The following USP10 variants were observed in gnomAD, a reference collection of about 807,000 sequenced individuals.
USP10 encodes the protein ubiquitin carboxyl-terminal hydrolase 10.
Under a neutral mutation model 84.5 loss-of-function variants are expected in USP10, and 22 were observed. The observed-to-expected ratio is 0.26, with a 90% CI of 0.19 to 0.37. The LOEUF (loss-of-function observed/expected upper bound fraction) is 0.37, where lower values mean the gene tolerates loss of function less well. Ranked by LOEUF, USP10 falls within the 10% of genes least tolerant of loss-of-function variation. USP10 has a pLI of 1.00. For missense variants in USP10, 1,019 were observed against 998.9 expected, an observed-to-expected ratio of 1.02 and a Z score of -0.27; for synonymous variants, 454 against 387.6, an observed-to-expected ratio of 1.17 and a Z score of -2.01.
Position 84,769,299 on chromosome 16 carries a change from C to T in USP10, c.1998+941C>T, listed in dbSNP as rs143518412. On this transcript the variant is annotated intron_variant, in intron 11 of 13. Coordinates refer to ENST00000219473, the MANE Select transcript of USP10 (RefSeq NM_005153.3). ...CTGAGTCAGAAAGAGCAAAGTAGGACATAGGGACCCTTAGCACCTTCGGGG... is the reference window on the plus strand; with the variant it reads ...CTGAGTCAGAAAGAGCAAAGTAGGATATAGGGACCCTTAGCACCTTCGGGG... Among the ~76,000 whole-genome samples the T allele has an allele frequency of 4.3e-3, 652 of 152,270 alleles. 3 individuals are homozygous for T. The highest frequency in any genetic ancestry group is 6.3e-3 in the Admixed American group (96 of 15,296).
Position 84,744,007 on chromosome 16 carries a change from A to G in USP10, c.152-626A>G, listed in dbSNP as rs1351142142. On this transcript the variant is annotated intron_variant, in intron 3 of 13. Transcript: ENST00000219473. ...GAGGAGACCAAGAGATAGAGAATTC[A>G]GAAGAGTGCTCTGAAGTGCGCTTTT... 1.1e-4 allele frequency among the ~76,000 whole-genome samples: 16 copies of G among 152,222 alleles called. No individual in the cohort carries two copies. In the East Asian group the frequency reaches 3.1e-3, roughly 29 times the overall value.
At chr16:84,704,924 T>C (rs1428330153) in intron 1 of USP10, 1 of 1,534,564 alleles carries the variant, frequency 6.5e-7, no homozygotes, top group African/African-American at 1.4e-5. Flanking sequence ...GACTTTCCCT[T>C]TTGGGCTCAC....
chr16:84,706,181 C>G (rs1472360608), intron 1 of USP10, among the ~76,000 whole-genome samples: 1 of 152,126 alleles, frequency 6.6e-6, no homozygotes, highest in Non-Finnish European at 1.5e-5. Context: ...CCGCGCCTAG[C>G]CTCCCTATTC....
chr16:84,759,973 C>T, intron 7 of USP10, 27 bp downstream of exon 7: 1 of 1,611,590 alleles, frequency 6.2e-7, no homozygotes, highest in East Asian at 2.2e-5. Flanking sequence ...TTTGTTGATG[C>T]TATTACATAT....
At chr16:84,725,908 G>T (rs1908409445) in intron 1 of USP10, among the ~76,000 whole-genome samples, 1 of 152,190 alleles carries the variant, frequency 6.6e-6, no homozygotes, top group Admixed American at 6.5e-5. Flanking sequence ...AGAAGAGGGA[G>T]AATACTTTAT....
Position 84,749,080 on chromosome 16 carries a change from G to T in USP10, c.1192+3407G>T, listed in dbSNP as rs181257473. ...AGTTGTTGACAGTTTCAGGAGTCTC[G>T]TGAGATAGTAGAGCAATAGAGTCAC... On this transcript the variant is annotated intron_variant, in intron 4 of 13. Transcript: ENST00000219473. Among the ~76,000 whole-genome samples, 437 of 151,708 alleles carry T rather than the reference G, an allele frequency of 2.9e-3. 6 individuals carry two copies. Among genetic ancestry groups the T allele is most frequent in the Middle Eastern group, 0.024 (7 of 294 alleles).
chr16:84,708,267 T>A (rs935824055), intron 1 of USP10, among the ~76,000 whole-genome samples: 1 of 152,028 alleles, frequency 6.6e-6, no homozygotes, highest in East Asian at 1.9e-4. Context: ...CTGGCCAACA[T>A]GGTAAAACCT....
intron 3 of USP10, 55 bp from the exon 4 acceptor site, chr16:84,744,578 G>A: frequency 6.9e-7 from 1 of 1,443,560 alleles, no homozygotes; most frequent in Non-Finnish European, 9.3e-7. Context: ...AGTAATTACT[G>A]GTACTTAGAG....
At chr16:84,711,608 T>G (rs1050342113) in intron 1 of USP10, among the ~76,000 whole-genome samples, 1 of 152,206 alleles carries the variant, frequency 6.6e-6, no homozygotes, top group Non-Finnish European at 1.5e-5. Flanking sequence ...TCTCTGTTGC[T>G]TCTTACCTCT....
intron 1 of USP10, among the ~76,000 whole-genome samples, chr16:84,710,674 C>T (rs917838412): frequency 6.6e-6 from 1 of 152,072 alleles, no homozygotes; most frequent in African/African-American, 2.4e-5. Flanking sequence ...TCCTGTAGTA[C>T]TTTTGGTAGT....
At chr16:84,752,720 C>T (rs1309638487) in intron 4 of USP10, among the ~76,000 whole-genome samples, 4 of 152,106 alleles carry the variant, frequency 2.6e-5, no homozygotes, top group Non-Finnish European at 5.9e-5. Flanking sequence ...CTTTTGCACC[C>T]CTGTTTTTTT....
chr16:84,773,595 G>C (rs1021712373), intron 12 of USP10, among the ~76,000 whole-genome samples: 10 of 152,324 alleles, frequency 6.6e-5, no homozygotes, highest in Admixed American at 1.3e-4. Context: ...GCTTTCTGCT[G>C]ACGGGCTTGG....
chr16:84,776,412 C>G (rs1387237082), intron 13 of USP10, among the ~76,000 whole-genome samples: 3 of 151,904 alleles, frequency 2.0e-5, no homozygotes, highest in Non-Finnish European at 4.4e-5. Context: ...TTCCTTTTGA[C>G]TCTCTTCTTT....
At chr16:84,751,102 G>A (rs1447810623) in intron 4 of USP10, among the ~76,000 whole-genome samples, 1 of 152,172 alleles carries the variant, frequency 6.6e-6, no homozygotes, top group African/African-American at 2.4e-5. Flanking sequence ...GATTATAATG[G>A]AGCTAAACAA....
rs918323644 is a variant in USP10 at position 84,741,503 on chromosome 16, C to T, written c.151+1134C>T. On this transcript the variant is annotated intron_variant, in intron 3 of 13. Transcript: ENST00000219473. ...ACAAATGCCCCATGATGTTCCCATG[C>T]ACATCACTTCTTTGAGTTCACCCTC... Among the ~76,000 whole-genome samples, 37 of 152,220 alleles carry T rather than the reference C, an allele frequency of 2.4e-4. No individual in the cohort carries two copies. The East Asian group carries it at 3.1e-3, about 13-fold the overall frequency.
Position 84,717,945 on chromosome 16 carries a change from G to A in USP10, c.22-15490G>A, listed in dbSNP as rs76693763. Among the ~76,000 whole-genome samples, 844 of 152,284 alleles carry A rather than the reference G, an allele frequency of 5.5e-3. 6 individuals carry two copies. Among genetic ancestry groups the A allele is most frequent in the African/African-American group, 0.019 (806 of 41,558 alleles). Reference sequence around the variant, plus strand: ...ATGGTCCCAGAAATTTGGGATTCGTGATCACGTTAGGGTATTTGTGATGGA... The same window carrying A: ...ATGGTCCCAGAAATTTGGGATTCGTAATCACGTTAGGGTATTTGTGATGGA... On this transcript the variant is annotated intron_variant, in intron 1 of 13. Transcript: ENST00000219473.
intron 1 of USP10, among the ~76,000 whole-genome samples, chr16:84,728,726 T>C (rs1445150680): frequency 6.6e-6 from 1 of 152,240 alleles, no homozygotes; most frequent in Middle Eastern, 3.2e-3. Flanking sequence ...TTTGTAGTTT[T>C]ATCAGCATAT....
At chr16:84,778,380 C>A (rs1484749232) in intron 13 of USP10, among the ~76,000 whole-genome samples, 6 of 152,204 alleles carry the variant, frequency 3.9e-5, no homozygotes, top group Non-Finnish European at 7.3e-5. Flanking sequence ...CATTCTTAAT[C>A]TATTCCACGA....
At chr16:84,704,910 C>T in intron 1 of USP10, 1 of 1,535,520 alleles carries the variant, frequency 6.5e-7, no homozygotes, top group African/African-American at 1.4e-5. Context: ...AGCCTGAATT[C>T]CTCGACTTTC....
Sources: gnomAD v4.1 joint callset for allele counts (sites outside exome capture counted in the v4.1 genomes callset) on GRCh38, gnomAD v4.1.1 for gene constraint, MANE v1.5 for transcripts, NCBI Gene and HGNC (gene_info 2026-07-23, HGNC 2026-07-21) for gene names.